The following CNTN5 variants were observed in gnomAD, a reference collection of about 807,000 sequenced individuals.
CNTN5 encodes contactin 5.
Under a neutral mutation model 129.1 loss-of-function variants are expected in CNTN5, and 77 were observed. That is an observed-to-expected ratio of 0.60 (90% CI 0.50 to 0.72). The LOEUF is 0.72. Ranked by LOEUF, CNTN5 falls within the 30% of genes least tolerant of loss-of-function variation. The pLI is 0.00. For synonymous variants in CNTN5, 509 were observed against 465.6 expected (o/e 1.09, Z -1.20); for missense variants, 1,478 against 1,328.8 (o/e 1.11, Z -1.75).
rs889114873 is a variant in CNTN5, at chr11:99,999,120, C to A, written c.878-2914C>A. On this transcript the variant is annotated intron_variant, in intron 8 of 24. Coordinates refer to ENST00000524871, the MANE Select transcript of CNTN5 (RefSeq NM_014361.4). The stretch of plus-strand genomic sequence containing the variant: ...GGCAAGGACTTCATGTCTAAAACAC[C>A]AAAAGCAATGGCAACAAAAGCCAAA... Among the ~76,000 whole-genome samples the A allele has an allele frequency of 5.9e-4, 89 of 151,892 alleles. No homozygotes were observed. The Middle Eastern group carries it at 0.014, about 23-fold the overall frequency.
intron 2 of CNTN5, among the ~76,000 whole-genome samples, chr11:99,548,914 C>A (rs962306083): frequency 6.6e-6 from 1 of 152,054 alleles, no homozygotes; most frequent in Non-Finnish European, 1.5e-5. Context: ...AATTATCTAT[C>A]TTTTCACATG....
At chr11:99,253,699 T>A (rs1565440292) in intron 1 of CNTN5, among the ~76,000 whole-genome samples, 2 of 151,786 alleles carry the variant, frequency 1.3e-5, no homozygotes, top group East Asian at 3.9e-4. Context: ...TTATCCCTCG[T>A]TGCTGTATAA....
chr11:99,508,905 T>C (rs1470862762), intron 2 of CNTN5, among the ~76,000 whole-genome samples: 1 of 152,116 alleles, frequency 6.6e-6, no homozygotes, highest in Admixed American at 6.5e-5. Flanking sequence ...GGTTTCAAAC[T>C]CCTGACCTCA....
At chr11:99,878,600 G>T (rs895614760) in intron 6 of CNTN5, among the ~76,000 whole-genome samples, 1 of 152,212 alleles carries the variant, frequency 6.6e-6, no homozygotes, top group African/African-American at 2.4e-5. Flanking sequence ...GCTCACGCCT[G>T]TAATTCCAGC....
At chr11:99,347,856 G>C (rs1938008770) in intron 2 of CNTN5, among the ~76,000 whole-genome samples, 1 of 152,202 alleles carries the variant, frequency 6.6e-6, no homozygotes, top group South Asian at 2.1e-4. Flanking sequence ...TACTAAAAAG[G>C]CACTACTCTG....
intron 2 of CNTN5, among the ~76,000 whole-genome samples, chr11:99,386,360 G>A (rs1372658613): frequency 1.3e-5 from 2 of 152,228 alleles, no homozygotes; most frequent in African/African-American, 4.8e-5. Flanking sequence ...CCCGAGGGCT[G>A]CGGGTTGCCC....
intron 1 of CNTN5, among the ~76,000 whole-genome samples, chr11:99,253,318 C>T (rs904624490): frequency 2.6e-5 from 4 of 152,056 alleles, no homozygotes; most frequent in African/African-American, 9.7e-5. Flanking sequence ...ACTGTGAATC[C>T]ATTAAATCTC....
intron 6 of CNTN5, among the ~76,000 whole-genome samples, chr11:99,861,041 C>T (rs1012747202): frequency 4.2e-5 from 6 of 144,372 alleles, no homozygotes; most frequent in Non-Finnish European, 5.9e-5. Context: ...CTGCAAACTG[C>T]GCCTCCCAGG....
chr11:100,232,388 G>T (rs559658655), intron 16 of CNTN5, among the ~76,000 whole-genome samples: 1 of 152,266 alleles, frequency 6.6e-6, no homozygotes, highest in African/African-American at 2.4e-5. Context: ...AAAACCAAGT[G>T]AAATACGAAC....
intron 2 of CNTN5, among the ~76,000 whole-genome samples, chr11:99,553,792 A>G (rs1948573623): frequency 6.6e-6 from 1 of 152,042 alleles, no homozygotes; most frequent in Admixed American, 6.6e-5. Flanking sequence ...TACTAGAAAG[A>G]GACAGAAAGG....
chr11:99,947,884 T>C (rs1453575), intron 7 of CNTN5, among the ~76,000 whole-genome samples: 56,595 of 149,922 alleles, frequency 0.38, 10,686 homozygotes, highest in East Asian at 0.47. Flanking sequence ...AGTGAAAAAA[T>C]GTTGAGTGTT....
At chr11:99,250,966 G>T (rs796295999) in intron 1 of CNTN5, among the ~76,000 whole-genome samples, 21 of 151,884 alleles carry the variant, frequency 1.4e-4, no homozygotes, top group African/African-American at 4.8e-4. Context: ...GATTTCCCCA[G>T]GGTAAAACAA....
At chr11:99,408,448 G>GAAAGAGAAAGAAAGAAAGAAAGAAAGAA (rs71305322) in intron 2 of CNTN5, among the ~76,000 whole-genome samples, 3 of 78,088 alleles carry the variant, frequency 3.8e-5, no homozygotes, top group Non-Finnish European at 7.4e-5. Flanking sequence ...AAGAAAGAAA[G>GAAAGAGAAAGAAAGAAAGAAAGAAAGAA]AGAAAGAAAG....
intron 3 of CNTN5, among the ~76,000 whole-genome samples, chr11:99,724,199 T>G (rs1943264044): frequency 6.6e-6 from 1 of 152,190 alleles, no homozygotes; most frequent in South Asian, 2.1e-4. Context: ...AAATCCTGCT[T>G]GTTCTTCAGG....
chr11:100,172,894 A>T (rs1344902330), intron 13 of CNTN5, among the ~76,000 whole-genome samples: 1 of 152,078 alleles, frequency 6.6e-6, no homozygotes, highest in Non-Finnish European at 1.5e-5. Flanking sequence ...ACATCAACCT[A>T]TGTCACACTG....
intron 2 of CNTN5, among the ~76,000 whole-genome samples, chr11:99,400,374 C>T (rs149489308): frequency 8.6e-5 from 13 of 152,030 alleles, no homozygotes; most frequent in Admixed American, 4.6e-4. Context: ...GTTCTATTTA[C>T]GTTGTTGCTT....
rs67721084 is a variant in CNTN5, at chr11:99,057,785, A to AGTGTGTGTGTGT, written c.-210+36536_-210+36547dup. Reference sequence around the variant, plus strand: ...ATAAGTAAGTGAAACATGAAACATAAGTGTGTGTGTGTGTGTGTGTGTGTG... The same window carrying AGTGTGTGTGTGT: ...ATAAGTAAGTGAAACATGAAACATAAGTGTGTGTGTGTGTGTGTGTGTGTGTGTGTGTGTGTG... On this transcript the variant is annotated intron_variant, in intron 1 of 24. Coordinates refer to ENST00000524871, the MANE Select transcript of CNTN5 (RefSeq NM_014361.4). Among the ~76,000 whole-genome samples the AGTGTGTGTGTGT allele has an allele frequency of 2.6e-3, 370 of 145,014 alleles. 6 individuals are homozygous for AGTGTGTGTGTGT. The East Asian group carries it at 0.056, about 22-fold the overall frequency.
intron 3 of CNTN5, among the ~76,000 whole-genome samples, chr11:99,593,475 A>C (rs1014596837): frequency 6.6e-6 from 1 of 152,156 alleles, no homozygotes; most frequent in Non-Finnish European, 1.5e-5. Context: ...TTTTATTAAA[A>C]GTATGTATCA....
At chr11:99,497,300 G>T (rs917795675) in intron 2 of CNTN5, among the ~76,000 whole-genome samples, 3 of 152,142 alleles carry the variant, frequency 2.0e-5, no homozygotes, top group Non-Finnish European at 4.4e-5. Context: ...GAAATAGATT[G>T]CTTTGATGAG....
Sources: allele counts gnomAD v4.1 joint callset (sites outside exome capture counted in the v4.1 genomes callset), GRCh38; gene constraint gnomAD v4.1.1; transcripts MANE v1.5; gene names NCBI Gene and HGNC (gene_info 2026-07-23, HGNC 2026-07-21).